The following ABRAXAS2 variants were observed in gnomAD, a reference collection of about 807,000 sequenced individuals.
ABRAXAS2 encodes the protein abraxas 2, BRISC complex subunit, also known as BRISC complex subunit Abraxas 2.
A neutral mutation model predicts 49.0 loss-of-function variants in ABRAXAS2; 23 were observed. The observed-to-expected ratio is 0.47, with a 90% CI of 0.34 to 0.66. ABRAXAS2 has a LOEUF of 0.66. Among genes scored for constraint, ABRAXAS2 ranks in the 30% least tolerant of loss-of-function variants. The pLI, the probability that ABRAXAS2 is intolerant of heterozygous loss-of-function variation, is 0.01. For missense variants in ABRAXAS2, 443 were observed against 511.9 expected, an observed-to-expected ratio of 0.87 and a Z score of 1.30; for synonymous variants, 168 against 180.2, an observed-to-expected ratio of 0.93 and a Z score of 0.54.
At chr10:124,817,838 C>T (rs1313249129) in intron 3 of ABRAXAS2, among the ~76,000 whole-genome samples, 1 of 152,126 alleles carries the variant, frequency 6.6e-6, no homozygotes, top group Non-Finnish European at 1.5e-5. Flanking sequence ...TTGCTGAGAA[C>T]CTCGCCTCTT....
intron 5 of ABRAXAS2, among the ~76,000 whole-genome samples, chr10:124,827,772 CTATGAT>C (rs1459824600): frequency 6.6e-6 from 1 of 151,666 alleles, no homozygotes; most frequent in East Asian, 1.9e-4. Context: ...AAAACCACCC[CTATGAT>C]TATATGATCA....
At chr10:124,822,348 C>T (rs1950866771) in intron 4 of ABRAXAS2, among the ~76,000 whole-genome samples, 1 of 152,030 alleles carries the variant, frequency 6.6e-6, no homozygotes, top group African/African-American at 2.4e-5. Flanking sequence ...TGTTCAAATA[C>T]ACAGGAAACG....
intron 1 of ABRAXAS2, among the ~76,000 whole-genome samples, chr10:124,803,610 G>A (rs1268942519): frequency 1.3e-5 from 2 of 152,126 alleles, no homozygotes; most frequent in Non-Finnish European, 2.9e-5. Context: ...AGATTCAAGT[G>A]ACTCTTATTA....
rs546644115 is a variant in ABRAXAS2 at position 124,834,694 on chromosome 10, G to T, written c.971G>T (p.Arg324Leu). 40 of 1,614,078 alleles carry T rather than the reference G, an allele frequency of 2.5e-5. No individual in the cohort carries two copies. The highest frequency in any genetic ancestry group is 3.3e-5 in the Non-Finnish European group (39 of 1,180,030). Residue 324 changes from arginine to leucine, a missense_variant, in exon 9 of 9, where the codon CGC (arginine) becomes CTC (leucine). Physicochemically the swap from Arg to Leu is moderately radical, Grantham distance 102. This residue lies in a region of ABRAXAS2 where 230 missense variants were observed against 237.0 expected (regional missense o/e 0.97). Coordinates refer to ENST00000298492, the MANE Select transcript of ABRAXAS2 (RefSeq NM_032182.4). Reference sequence around the variant, plus strand: ...CAAGAAAGTACTTTGAGCCACTCTCGCATGGAAAGGAGTGTCTTTATGCCT... The same window carrying T: ...CAAGAAAGTACTTTGAGCCACTCTCTCATGGAAAGGAGTGTCTTTATGCCT... ...NNQESTLSHS[R>L]MERSVFMPRP...
In ABRAXAS2 at chr10:124,834,714, A is replaced by C. The variant is rs781548081; in HGVS notation, c.991A>C (p.Met331Leu). ...CTCTCGCATGGAAAGGAGTGTCTTT[A>C]TGCCTCGACCTCAAGCTGTGGGCTC... ...SHSRMERSVF[M>L]PRPQAVGSSN... Residue 331 changes from methionine (M) to leucine (L), a missense_variant, in exon 9 of 9, where the codon ATG becomes CTG. This residue lies in a region of ABRAXAS2 where 230 missense variants were observed against 237.0 expected (regional missense o/e 0.97). Transcript: ENST00000298492. 6.2e-7 allele frequency: 1 copy of C among 1,614,168 alleles called. No homozygotes were observed. The highest frequency in any genetic ancestry group is 2.2e-5 in the East Asian group (1 of 44,876).
At chr10:124,828,622 C>T in intron 5 of ABRAXAS2, 134 bp from the exon 6 acceptor site, 1 of 688,360 alleles carries the variant, frequency 1.5e-6, no homozygotes, top group Non-Finnish European at 2.3e-6. Flanking sequence ...GATCTGCCTG[C>T]CTCGGCCTCC....
chr10:124,824,083 G>A (rs892959261), intron 4 of ABRAXAS2, among the ~76,000 whole-genome samples: 6 of 151,858 alleles, frequency 4.0e-5, no homozygotes, highest in African/African-American at 1.5e-4. Context: ...TAAATTTTTT[G>A]TAGAGATGGG....
rs745642408 is a variant in ABRAXAS2, at chr10:124,831,354, G to A, written c.669G>A (p.Val223=). ...GTTGTCATTTTTTTCCTCAGGCAGT[G>A]TGTGCAGATGTTGAAAAGAGTGAGC... ...YNALQEKVQA[V]CADVEKSERV... The change falls in exon 8 of 9, where the codon GTG becomes GTA. Residue 223 remains valine (V), a synonymous_variant. Coordinates refer to ENST00000298492, the MANE Select transcript of ABRAXAS2 (RefSeq NM_032182.4). 8 of 1,604,322 alleles carry A rather than the reference G, an allele frequency of 5.0e-6. No homozygotes were observed. The highest frequency in any genetic ancestry group is 1.7e-5 in the Admixed American group (1 of 59,754).
At chr10:124,826,894 A>G in intron 5 of ABRAXAS2, 109 bp downstream of exon 5, 7 of 1,073,508 alleles carry the variant, frequency 6.5e-6, no homozygotes, top group Non-Finnish European at 1.4e-6. Context: ...CGGATGGATC[A>G]TGAGGTCAAG....
chr10:124,826,814 A>G (rs755736699), intron 5 of ABRAXAS2, 29 bp downstream of exon 5: 3 of 1,608,216 alleles, frequency 1.9e-6, no homozygotes, highest in African/African-American at 2.7e-5. Flanking sequence ...TCTGCCTCAC[A>G]TATAAGAAGG....
intron 2 of ABRAXAS2, among the ~76,000 whole-genome samples, chr10:124,815,415 C>T (rs1160778010): frequency 2.0e-5 from 3 of 151,948 alleles, no homozygotes; most frequent in Non-Finnish European, 2.9e-5. Flanking sequence ...AGGATGGTCT[C>T]GATCTCCTGA....
At chr10:124,828,490 G>A (rs1264553643) in intron 5 of ABRAXAS2, among the ~76,000 whole-genome samples, 1 of 151,920 alleles carries the variant, frequency 6.6e-6, no homozygotes, top group Non-Finnish European at 1.5e-5. Flanking sequence ...TCAGCCTCCC[G>A]AGTAGCTGAG....
chr10:124,808,947 A>C (rs916555307), intron 2 of ABRAXAS2, among the ~76,000 whole-genome samples: 1 of 152,106 alleles, frequency 6.6e-6, no homozygotes, highest in East Asian at 1.9e-4. Context: ...CCTGACCAAC[A>C]TGAAGAAACC....
chr10:124,819,693 G>GA (rs1950849097), intron 4 of ABRAXAS2, among the ~76,000 whole-genome samples: 1 of 151,426 alleles, frequency 6.6e-6, no homozygotes, highest in African/African-American at 2.4e-5. Context: ...AGACTTGCTA[G>GA]AACCCTGGCG....
chr10:124,822,466 CTA>C (rs1950867780), intron 4 of ABRAXAS2, among the ~76,000 whole-genome samples: 1 of 151,650 alleles, frequency 6.6e-6, no homozygotes, highest in Non-Finnish European at 1.5e-5. Context: ...CTTTTAATGA[CTA>C]TGTATTTTAT....
chr10:124,809,951 C>G (rs914941600), intron 2 of ABRAXAS2, among the ~76,000 whole-genome samples: 6 of 152,056 alleles, frequency 3.9e-5, no homozygotes, highest in African/African-American at 7.2e-5. Context: ...CGGGGTTTCT[C>G]CATGTTGGTC....
chr10:124,826,991 G>A (rs1244456901), intron 5 of ABRAXAS2, among the ~76,000 whole-genome samples: 1 of 151,506 alleles, frequency 6.6e-6, no homozygotes, highest in African/African-American at 2.4e-5. Context: ...CTACTCGGGA[G>A]GCTGAGGCAG....
intron 4 of ABRAXAS2, among the ~76,000 whole-genome samples, chr10:124,821,656 G>A (rs548507469): frequency 1.3e-5 from 2 of 152,260 alleles, no homozygotes; most frequent in African/African-American, 4.8e-5. Context: ...AAATTGAAAC[G>A]AGATACTATT....
chr10:124,803,625 G>A (rs935913013), intron 1 of ABRAXAS2, among the ~76,000 whole-genome samples: 8 of 152,200 alleles, frequency 5.3e-5, no homozygotes, highest in African/African-American at 1.9e-4. Flanking sequence ...TTATTAGCTG[G>A]ACACGGTAGC....
Sources: gnomAD v4.1 joint callset for allele counts (sites outside exome capture counted in the v4.1 genomes callset) on GRCh38, gnomAD v4.1.1 for gene constraint, gnomAD v4.1.1 regional missense constraint, MANE v1.5 for transcripts, NCBI Gene and HGNC (gene_info 2026-07-23, HGNC 2026-07-21) for gene names.